Variants in MYO18B observed in about 807,000 individuals in gnomAD.
MYO18B encodes unconventional myosin-XVIIIb.
MYO18B carries 204 observed loss-of-function variants against 273.0 expected under a neutral mutation model. That is an observed-to-expected ratio of 0.75 (90% CI 0.67 to 0.84). The LOEUF is 0.84. MYO18B is among the 40% of genes least tolerant of loss of function. The probability of loss-of-function intolerance (pLI) is 0.00; values close to 1 mark genes in which losing one functional copy is unlikely to be tolerated. For missense variants in MYO18B, 3,212 were observed against 3,287.6 expected (o/e 0.98, Z 0.56); for synonymous variants, 1,330 against 1,305.7 (o/e 1.02, Z -0.40).
Position 25,769,190 on chromosome 22 carries a change from T to C in MYO18B, c.1274T>C (p.Met425Thr). 1 of 1,610,104 alleles carries C rather than the reference T, an allele frequency of 6.2e-7. No homozygotes were observed. The highest frequency in any genetic ancestry group is 8.5e-7 in the Non-Finnish European group (1 of 1,178,432). ...GCEAPKEVSTMVESPAAPGKG... is the reference protein window; with the variant it reads ...GCEAPKEVSTTVESPAAPGKG... ...GAAGCCCCAAAGGAGGTGAGCACAA[T>C]GGTGGAGTCGCCAGCAGCTCCTGGG... The change falls in exon 4 of 44, where the codon ATG (methionine) becomes ACG (threonine). Residue 425 changes from methionine to threonine, a missense_variant. Met to Thr is a moderately conservative substitution (Grantham distance 81). Transcript: ENST00000335473.
At chr22:25,757,775 A>T (rs1456732126) in intron 1 of MYO18B, among the ~76,000 whole-genome samples, 1 of 152,174 alleles carries the variant, frequency 6.6e-6, no homozygotes, top group East Asian at 1.9e-4. Flanking sequence ...GACCGCTTCT[A>T]CTAAGACCTT....
At chr22:25,772,560 C>T (rs759469165) in intron 7 of MYO18B, 50 bp downstream of exon 7, 6 of 1,548,206 alleles carry the variant, frequency 3.9e-6, no homozygotes, top group Non-Finnish European at 3.5e-6. Flanking sequence ...GGCAGGGGGG[C>T]CTGGGGGGAT....
At chr22:25,979,230 A>T (rs2093124768) in intron 39 of MYO18B, among the ~76,000 whole-genome samples, 1 of 152,184 alleles carries the variant, frequency 6.6e-6, no homozygotes, top group Non-Finnish European at 1.5e-5. Context: ...ATTTAAATTG[A>T]AATAAGACAT....
At chr22:25,871,786 AAAAAAAC>A (rs3833960) in intron 22 of MYO18B, among the ~76,000 whole-genome samples, 5,484 of 149,310 alleles carry the variant, frequency 0.037, 151 homozygotes, top group East Asian at 0.15. Context: ...TTAAAAGGCA[AAAAAAAC>A]AAAAAACAAA....
chr22:25,770,334 G>A (rs1328584893), intron 5 of MYO18B, among the ~76,000 whole-genome samples, 158 bp downstream of exon 5: 1 of 152,188 alleles, frequency 6.6e-6, no homozygotes, highest in Non-Finnish European at 1.5e-5. Flanking sequence ...TCTTGATAAT[G>A]AGTTATTTAC....
intron 7 of MYO18B, among the ~76,000 whole-genome samples, chr22:25,773,062 T>A (rs2145613094): frequency 6.6e-6 from 1 of 152,224 alleles, no homozygotes; most frequent in East Asian, 1.9e-4. Flanking sequence ...GTTTTTTTCC[T>A]CGGAAGTGTA....
chr22:26,059,745 A>G, the MYO18B span, among the ~76,000 whole-genome samples: 1 of 152,236 alleles, frequency 6.6e-6, no homozygotes, highest in African/African-American at 2.4e-5. Context: ...TAGCCTCTGC[A>G]ATGAGAGATC....
At chr22:25,987,003 A>G (rs761056049) in intron 39 of MYO18B, among the ~76,000 whole-genome samples, 13 of 152,210 alleles carry the variant, frequency 8.5e-5, no homozygotes, top group Non-Finnish European at 1.9e-4. Context: ...AAGCAACAAG[A>G]TGAATTTTCG....
At chr22:26,022,640 A>G (rs1178533016) in intron 42 of MYO18B, among the ~76,000 whole-genome samples, 3 of 151,690 alleles carry the variant, frequency 2.0e-5, no homozygotes, top group African/African-American at 7.3e-5. Context: ...CCAGCCCCCT[A>G]GGAGTCTACA....
intron 25 of MYO18B, among the ~76,000 whole-genome samples, chr22:25,880,668 T>C (rs1004223332): frequency 7.9e-5 from 12 of 152,326 alleles, no homozygotes; most frequent in Non-Finnish European, 1.2e-4. Context: ...TTGATAGAGC[T>C]AGGAAGGAGG....
At chr22:25,748,694 T>C (rs192022967) in intron 1 of MYO18B, among the ~76,000 whole-genome samples, 1 of 152,230 alleles carries the variant, frequency 6.6e-6, no homozygotes, top group East Asian at 1.9e-4. Context: ...CCTTCCTCCC[T>C]CCCTCTTCAA....
At chr22:25,863,785 A>G (rs143060755) in intron 21 of MYO18B, among the ~76,000 whole-genome samples, 1 of 152,250 alleles carries the variant, frequency 6.6e-6, no homozygotes, top group East Asian at 1.9e-4. Flanking sequence ...GCCTGTACAC[A>G]TGGCTTCATG....
intron 12 of MYO18B, among the ~76,000 whole-genome samples, chr22:25,806,394 G>C (rs892207472): frequency 7.6e-4 from 115 of 152,232 alleles, no homozygotes; most frequent in African/African-American, 2.7e-3. Flanking sequence ...CGAGAGGCTG[G>C]GCACAGCTGG....
the MYO18B span, among the ~76,000 whole-genome samples, chr22:26,036,826 G>C: frequency 6.6e-6 from 1 of 152,198 alleles, no homozygotes; most frequent in African/African-American, 2.4e-5. Context: ...CCTTGGTAAA[G>C]TGAGTCAGTG....
At position 25,770,980 on chromosome 22, in the gene MYO18B, A is replaced by C; in HGVS notation, c.1688A>C (p.His563Pro). Reference sequence around the variant, plus strand: ...ACTGAGGTGGATGAGGAGCATGTCCATCGGGTGAGTCCCCTGTCCCGCCGT... The same window carrying C: ...ACTGAGGTGGATGAGGAGCATGTCCCTCGGGTGAGTCCCCTGTCCCGCCGT... ...TITEVDEEHV[H>P]RANPPELDQV... Residue 563 changes from histidine (H) to proline (P), a missense_variant, in exon 6 of 44, where the codon CAT becomes CCT. His to Pro is a moderately conservative substitution (Grantham distance 77). Transcript: ENST00000335473. The C allele has an allele frequency of 1.3e-6, 2 of 1,551,170 alleles. No homozygotes were observed. The highest frequency in any genetic ancestry group is 1.4e-5 in the African/African-American group (1 of 73,132).
the MYO18B span, among the ~76,000 whole-genome samples, chr22:26,043,511 C>CT: frequency 0.028 from 3,467 of 122,970 alleles, 157 homozygotes; most frequent in African/African-American, 0.09. Context: ...TTTTTTCTTT[C>CT]TTTTTTTTTT....
rs757166606 is a variant in MYO18B at position 26,003,262 on chromosome 22, T to C, written c.6288-3T>C. Reference sequence around the variant, plus strand: ...ACACACTCTTTCTTGTGCCTCTTACTAGTGTCCAGACGGCAGTGGATTGTG... The same window carrying C: ...ACACACTCTTTCTTGTGCCTCTTACCAGTGTCCAGACGGCAGTGGATTGTG... On this transcript the variant is annotated splice_region_variant and splice_polypyrimidine_tract_variant and intron_variant, in intron 40 of 43. Coordinates refer to ENST00000335473, the MANE Select transcript of MYO18B (RefSeq NM_032608.7). The C allele has an allele frequency of 4.4e-6, 7 of 1,608,282 alleles. No individual in the cohort carries two copies. In the Admixed American group the frequency reaches 1.2e-4, roughly 27 times the overall value.
chr22:25,771,097 T>C (rs2086703915), intron 6 of MYO18B, 113 bp downstream of exon 6: 2 of 788,172 alleles, frequency 2.5e-6, no homozygotes, highest in Admixed American at 2.3e-5. Flanking sequence ...TGACTACCAA[T>C]ACCATTTTGG....
chr22:26,029,724 C>G (rs73154188), intron 43 of MYO18B, among the ~76,000 whole-genome samples: 2 of 152,192 alleles, frequency 1.3e-5, no homozygotes, highest in African/African-American at 2.4e-5. Flanking sequence ...CAAGACCCCC[C>G]AAAGCTCAGT....
Sources: gnomAD v4.1 joint callset for allele counts (sites outside exome capture counted in the v4.1 genomes callset) on GRCh38, gnomAD v4.1.1 for gene constraint, MANE v1.5 for transcripts, NCBI Gene and HGNC (gene_info 2026-07-23, HGNC 2026-07-21) for gene names.